PLEKHH2: variants seen among roughly 807,000 people sequenced by gnomAD.
PLEKHH2 encodes the protein pleckstrin homology domain-containing family H member 2.
A neutral mutation model predicts 187.9 loss-of-function variants in PLEKHH2; 129 were observed. The ratio of observed to expected loss-of-function variants is 0.69; its 90% CI spans 0.59 to 0.79. PLEKHH2 has a LOEUF of 0.79. PLEKHH2 is among the 30% of genes least tolerant of loss of function. The probability of loss-of-function intolerance (pLI) is 0.00; values close to 1 mark genes in which losing one functional copy is unlikely to be tolerated. For missense variants in PLEKHH2, 2,076 were observed against 1,751.2 expected (o/e 1.19, Z -3.31); for synonymous variants, 686 against 605.6 (o/e 1.13, Z -1.95).
chr2:43,688,826 T>G (rs902183497), intron 3 of PLEKHH2, among the ~76,000 whole-genome samples: 68 of 152,306 alleles, frequency 4.5e-4, no homozygotes, highest in African/African-American at 1.5e-3. Flanking sequence ...AATCCTCCCA[T>G]CAATGTGTGA....
intron 8 of PLEKHH2, 65 bp from the exon 9 acceptor site, chr2:43,703,914 GTC>G: frequency 4.6e-6 from 3 of 652,102 alleles, no homozygotes; most frequent in Non-Finnish European, 4.8e-6. Context: ...ATTGAAAGTA[GTC>G]TTTTTTTTTT....
At chr2:43,687,640 G>A (rs1178278750) in intron 3 of PLEKHH2, among the ~76,000 whole-genome samples, 2 of 152,052 alleles carry the variant, frequency 1.3e-5, no homozygotes, top group African/African-American at 2.4e-5. Context: ...CCACAGCATT[G>A]CCAGCATCTG....
intron 18 of PLEKHH2, among the ~76,000 whole-genome samples, chr2:43,730,739 C>T (rs1670999261): frequency 6.6e-6 from 1 of 152,168 alleles, no homozygotes; most frequent in Non-Finnish European, 1.5e-5. Flanking sequence ...CACTGAGAGA[C>T]TAGATTCTAT....
intron 24 of PLEKHH2, among the ~76,000 whole-genome samples, chr2:43,748,289 A>T (rs1482816814): frequency 6.6e-6 from 1 of 152,202 alleles, no homozygotes; most frequent in Non-Finnish European, 1.5e-5. Flanking sequence ...ATTCCTAGAG[A>T]TAAGCAATAT....
At chr2:43,648,563 G>T (rs1034606027) in intron 2 of PLEKHH2, among the ~76,000 whole-genome samples, 22 of 61,638 alleles carry the variant, frequency 3.6e-4, no homozygotes, top group African/African-American at 1.2e-3. Flanking sequence ...TTACATTCGT[G>T]TGTGTGTGTG....
intron 25 of PLEKHH2, among the ~76,000 whole-genome samples, chr2:43,755,544 A>C (rs1309811233): frequency 6.6e-6 from 1 of 152,160 alleles, no homozygotes; most frequent in Non-Finnish European, 1.5e-5. Context: ...CTATTGCTAC[A>C]TAACTAATGA....
intron 25 of PLEKHH2, 121 bp from the exon 26 acceptor site, chr2:43,756,998 C>A: frequency 1.6e-6 from 1 of 629,150 alleles, no homozygotes; most frequent in Non-Finnish European, 2.4e-6. Flanking sequence ...ATCACATAAT[C>A]ATGACAAATA....
chr2:43,760,033 T>C (rs950837717), intron 27 of PLEKHH2, among the ~76,000 whole-genome samples: 5 of 152,214 alleles, frequency 3.3e-5, no homozygotes, highest in African/African-American at 4.8e-5. Flanking sequence ...TTAGTATTCT[T>C]AAACATCTAT....
At chr2:43,743,030 G>C (rs1671640567) in intron 22 of PLEKHH2, 112 bp downstream of exon 22, 2 of 786,792 alleles carry the variant, frequency 2.5e-6, no homozygotes, top group Non-Finnish European at 3.7e-6. Context: ...TGACAAACAT[G>C]CAAATATATT....
At chr2:43,648,756 T>A (rs1400158702) in intron 2 of PLEKHH2, among the ~76,000 whole-genome samples, 4 of 151,718 alleles carry the variant, frequency 2.6e-5, no homozygotes, top group African/African-American at 9.7e-5. Context: ...AATTTTGTAT[T>A]TTGGGTAGAG....
rs1322329786 is a variant in PLEKHH2, at chr2:43,742,759, T to C, written c.3240T>C (p.Tyr1080=). Residue 1080 remains tyrosine (Y), a synonymous_variant, in exon 22 of 30, where the codon TAT becomes TAC. Transcript: ENST00000282406. ...NADSRTEFGK[Y]AIYCQRCVER... ...ATTACAGGACAGAATTTGGAAAATA[T>C]GCCATTTACTGCCAGCGTTGTGTAG... is the stretch of plus-strand genomic sequence containing the variant. 1.3e-6 allele frequency: 2 copies of C among 1,573,720 alleles called. No individual in the cohort carries two copies. Among genetic ancestry groups the C allele is most frequent in the East Asian group, 2.3e-5 (1 of 43,804 alleles).
chr2:43,744,132 A>T, intron 23 of PLEKHH2, 143 bp downstream of exon 23: 1 of 1,413,218 alleles, frequency 7.1e-7, no homozygotes, highest in Non-Finnish European at 9.2e-7. Flanking sequence ...AAGAAAAAAA[A>T]AATGCAGGAC....
chr2:43,764,150 A>C (rs1316443121), intron 28 of PLEKHH2, 78 bp from the exon 29 acceptor site: 2 of 842,960 alleles, frequency 2.4e-6, no homozygotes, highest in African/African-American at 3.6e-5. Flanking sequence ...CTTTTAATGG[A>C]GATATATTAT....
chr2:43,640,028 A>G (rs1005363043), intron 1 of PLEKHH2, among the ~76,000 whole-genome samples: 1 of 152,098 alleles, frequency 6.6e-6, no homozygotes, highest in Admixed American at 6.6e-5. Flanking sequence ...TATCATGAAT[A>G]ATGTTGCTCT....
At position 43,743,896 on chromosome 2, in the gene PLEKHH2, A is replaced by G. The variant is rs778777616; in HGVS notation, c.3462A>G (p.Thr1154=). The G allele has an allele frequency of 6.2e-6, 10 of 1,614,012 alleles. No individual in the cohort carries two copies. In the Admixed American group the frequency reaches 1.5e-4, roughly 24 times the overall value. ...EEFLNTLNQD[T]GMRKPAQSGF... ...TTTTGAATACTTTGAACCAGGACAC[A>G]GGAATGAGGAAACCAGCGCAGTCTG... The change falls in exon 23 of 30, where the codon ACA becomes ACG. Residue 1154 remains threonine (T), a synonymous_variant. Coordinates refer to ENST00000282406, the MANE Select transcript of PLEKHH2 (RefSeq NM_172069.4).
At chr2:43,727,133 G>A (rs1670787307) in intron 17 of PLEKHH2, among the ~76,000 whole-genome samples, 1 of 152,184 alleles carries the variant, frequency 6.6e-6, no homozygotes, top group Admixed American at 6.5e-5. Flanking sequence ...AAAAGGGCGG[G>A]CTGGGTGCGG....
At chr2:43,674,449 A>C (rs984920666) in intron 2 of PLEKHH2, among the ~76,000 whole-genome samples, 1 of 152,200 alleles carries the variant, frequency 6.6e-6, no homozygotes, top group Non-Finnish European at 1.5e-5. Context: ...TGGTTTAGGG[A>C]ATATTCTAGA....
At chr2:43,651,145 TTTCATTCA>T (rs71410195) in intron 2 of PLEKHH2, among the ~76,000 whole-genome samples, 56,530 of 151,446 alleles carry the variant, frequency 0.37, 10,806 homozygotes, top group Non-Finnish European at 0.41. Context: ...GTTAAAATCT[TTTCATTCA>T]TTCATTCATT....
intron 3 of PLEKHH2, among the ~76,000 whole-genome samples, chr2:43,688,998 C>G (rs1383584256): frequency 3.3e-5 from 5 of 152,116 alleles, no homozygotes; most frequent in African/African-American, 1.2e-4. Context: ...GCCCAGGGCC[C>G]CAGGTGAACA....
Sources: allele counts gnomAD v4.1 joint callset (sites outside exome capture counted in the v4.1 genomes callset), GRCh38; gene constraint gnomAD v4.1.1; transcripts MANE v1.5; gene names NCBI Gene and HGNC (gene_info 2026-07-23, HGNC 2026-07-21).